ZMAT3: variants seen among roughly 807,000 people sequenced by gnomAD.
ZMAT3 encodes the protein zinc finger matrin-type protein 3.
In ZMAT3, 17 loss-of-function variants were observed where a neutral mutation model predicts 32.3. The observed-to-expected ratio is 0.53, with a 90% CI of 0.36 to 0.79. The LOEUF (loss-of-function observed/expected upper bound fraction) is 0.79, where lower values mean the gene tolerates loss of function less well. Among genes scored for constraint, ZMAT3 ranks in the 30% least tolerant of loss-of-function variants. The probability of loss-of-function intolerance (pLI) is 0.00; values close to 1 mark genes in which losing one functional copy is unlikely to be tolerated. For synonymous variants in ZMAT3, 120 were observed against 133.1 expected (o/e 0.90, Z 0.68); for missense variants, 329 against 359.7 (o/e 0.91, Z 0.69).
intron 2 of ZMAT3, among the ~76,000 whole-genome samples, chr3:179,056,556 ACT>A (rs1206211883): frequency 6.6e-6 from 1 of 152,186 alleles, no homozygotes; most frequent in Non-Finnish European, 1.5e-5. Context: ...GGATGAAGAT[ACT>A]CTGAGTCAGA....
intron 2 of ZMAT3, among the ~76,000 whole-genome samples, chr3:179,051,369 A>G (rs1720547949): frequency 6.6e-6 from 1 of 152,196 alleles, no homozygotes; most frequent in Non-Finnish European, 1.5e-5. Context: ...CAAGCAGAGA[A>G]TCAAATCAAG....
intron 2 of ZMAT3, among the ~76,000 whole-genome samples, chr3:179,056,881 T>C (rs925897388): frequency 4.6e-5 from 7 of 152,170 alleles, no homozygotes; most frequent in African/African-American, 1.7e-4. Context: ...CACTCCTTTG[T>C]TAGGGAGAGA....
At position 179,019,291 on chromosome 3, in the gene ZMAT3, T is replaced by A. The variant is rs1173947837; in HGVS notation, c.*5726A>T. 6.6e-6 allele frequency: 1 copy of A among 151,028 alleles called. No individual in the cohort carries two copies. The highest frequency in any genetic ancestry group is 1.5e-5 in the Non-Finnish European group (1 of 67,696). The allele number at this position is 151,028 out of a possible 1,614,324, so 9.4% of individuals were successfully genotyped here. ...GTCCACAGGAGGAAAAAAAAAAAAG[T>A]ATGTTAATTGGCTCAGATTATCAAC... On this transcript the variant is annotated 3_prime_UTR_variant, in exon 6 of 6. Coordinates refer to ENST00000311417, the MANE Select transcript of ZMAT3 (RefSeq NM_022470.4).
chr3:179,057,859 G>A (rs1319738109), intron 2 of ZMAT3, among the ~76,000 whole-genome samples: 1 of 152,190 alleles, frequency 6.6e-6, no homozygotes, highest in Non-Finnish European at 1.5e-5. Context: ...ACTAATTAAG[G>A]AAACTCAGAA....
chr3:179,061,179 TA>T (rs1490370740), intron 2 of ZMAT3, among the ~76,000 whole-genome samples: 1 of 152,078 alleles, frequency 6.6e-6, no homozygotes, highest in Non-Finnish European at 1.5e-5. Flanking sequence ...TGATCCCACC[TA>T]AAGAGTGGTA....
chr3:179,026,521 G>C (rs1375073849), intron 5 of ZMAT3, among the ~76,000 whole-genome samples: 1 of 151,466 alleles, frequency 6.6e-6, no homozygotes, highest in Non-Finnish European at 1.5e-5. Context: ...CAAGTAGCTG[G>C]GATTACAGGC....
intron 2 of ZMAT3, among the ~76,000 whole-genome samples, chr3:179,055,233 A>G (rs1720775387): frequency 6.6e-6 from 1 of 152,186 alleles, no homozygotes. Context: ...AACGATTTAT[A>G]TTCTTCTGCA....
intron 2 of ZMAT3, among the ~76,000 whole-genome samples, chr3:179,057,193 G>A (rs1720892012): frequency 6.6e-6 from 1 of 152,174 alleles, no homozygotes; most frequent in African/African-American, 2.4e-5. Flanking sequence ...AATTTTAGGA[G>A]TACAGAAACC....
At chr3:179,058,287 G>A (rs1213210299) in intron 2 of ZMAT3, among the ~76,000 whole-genome samples, 28 of 152,172 alleles carry the variant, frequency 1.8e-4, no homozygotes, top group Admixed American at 1.7e-3. Context: ...CCAGTGCTGC[G>A]ACTGTGCACT....
chr3:179,051,413 AT>A (rs1238143517), intron 2 of ZMAT3, among the ~76,000 whole-genome samples: 7 of 152,196 alleles, frequency 4.6e-5, no homozygotes, highest in Admixed American at 2.6e-4. Flanking sequence ...TACAAAAAAA[AT>A]AAAATAAAAT....
intron 2 of ZMAT3, among the ~76,000 whole-genome samples, chr3:179,063,054 G>A (rs925614556): frequency 1.3e-5 from 2 of 152,208 alleles, no homozygotes; most frequent in African/African-American, 4.8e-5. Context: ...TGAATAAAGA[G>A]AGATTCAGTG....
intron 2 of ZMAT3, among the ~76,000 whole-genome samples, chr3:179,049,827 C>G (rs1403174021): frequency 6.6e-6 from 1 of 151,680 alleles, no homozygotes; most frequent in Non-Finnish European, 1.5e-5. Context: ...CACGTCTCTA[C>G]TAAAAATACA....
intron 2 of ZMAT3, among the ~76,000 whole-genome samples, chr3:179,060,416 T>G (rs1576875162): frequency 1.3e-5 from 2 of 150,954 alleles, no homozygotes; most frequent in Non-Finnish European, 3.0e-5. Context: ...CCAAGGCAGG[T>G]GGACCATCTG....
intron 5 of ZMAT3, 68 bp downstream of exon 5, chr3:179,027,354 TA>T (rs886278598): frequency 5.1e-6 from 7 of 1,383,044 alleles, no homozygotes; most frequent in Middle Eastern, 1.8e-4. Flanking sequence ...CTATTATCAT[TA>T]AAAGAAATAA....
At chr3:179,067,086 C>T (rs1419019266) in intron 2 of ZMAT3, among the ~76,000 whole-genome samples, 1 of 152,220 alleles carries the variant, frequency 6.6e-6, no homozygotes, top group Non-Finnish European at 1.5e-5. Flanking sequence ...AACAATTTTA[C>T]ACTGAATTGA....
intron 2 of ZMAT3, among the ~76,000 whole-genome samples, chr3:179,058,519 G>A (rs1720973669): frequency 1.3e-5 from 2 of 152,206 alleles, no homozygotes; most frequent in African/African-American, 2.4e-5. Flanking sequence ...CACTTTGGGA[G>A]GCCGAGGCGG....
chr3:179,067,335 G>T, intron 2 of ZMAT3, 148 bp downstream of exon 2: 1 of 848,970 alleles, frequency 1.2e-6, no homozygotes, highest in Non-Finnish European at 1.8e-6. Flanking sequence ...AAAACATAAG[G>T]CTTTTAATCA....
chr3:179,042,254 G>A (rs1336562470), intron 2 of ZMAT3, among the ~76,000 whole-genome samples: 2 of 152,230 alleles, frequency 1.3e-5, no homozygotes, highest in African/African-American at 4.8e-5. Context: ...ACCAAAGCCT[G>A]GAAGAGATAC....
intron 2 of ZMAT3, among the ~76,000 whole-genome samples, chr3:179,065,422 A>G (rs1439841578): frequency 1.3e-5 from 2 of 152,230 alleles, no homozygotes; most frequent in South Asian, 4.1e-4. Flanking sequence ...AGAAAAAAAC[A>G]AATGTTGATT....
Sources: allele counts gnomAD v4.1 joint callset (sites outside exome capture counted in the v4.1 genomes callset), GRCh38; gene constraint gnomAD v4.1.1; transcripts MANE v1.5; gene names NCBI Gene and HGNC (gene_info 2026-07-23, HGNC 2026-07-21).